Variants in LINGO2 observed in about 807,000 individuals in gnomAD.
LINGO2 encodes leucine rich repeat and Ig domain containing 2, also known as leucine-rich repeat and immunoglobulin-like domain-containing nogo receptor-interacting protein 2.
Under a neutral mutation model 30.6 loss-of-function variants are expected in LINGO2, and 14 were observed. The ratio of observed to expected loss-of-function variants is 0.46; its 90% CI spans 0.30 to 0.72. The LOEUF is 0.72. LINGO2 is among the 30% of genes least tolerant of loss of function. The pLI is 0.07. For missense variants in LINGO2, 729 were observed against 751.7 expected (o/e 0.97, Z 0.35); for synonymous variants, 317 against 288.5 (o/e 1.10, Z -1.00).
At chr9:28,812,705 C>T in the LINGO2 span, among the ~76,000 whole-genome samples, 8 of 152,188 alleles carry the variant, frequency 5.3e-5, no homozygotes, top group South Asian at 1.2e-3. Context: ...CTTCTTCTCA[C>T]GATGAGTTCA....
At chr9:27,997,522 A>G (rs1293918886) in intron 5 of LINGO2, among the ~76,000 whole-genome samples, 1 of 150,444 alleles carries the variant, frequency 6.6e-6, no homozygotes, top group Non-Finnish European at 1.5e-5. Flanking sequence ...TGCCTATAAC[A>G]TATTTTTTCT....
the LINGO2 span, among the ~76,000 whole-genome samples, chr9:28,704,195 T>TAATTTTACTGGTTATA: frequency 6.6e-6 from 1 of 151,676 alleles, no homozygotes; most frequent in African/African-American, 2.4e-5. Context: ...TTTTGAAGGG[T>TAATTTTACTGGTTATA]GAATTCTAGG....
intron 3 of LINGO2, among the ~76,000 whole-genome samples, chr9:28,296,082 G>T (rs933864858): frequency 6.6e-6 from 1 of 152,146 alleles, no homozygotes; most frequent in Admixed American, 6.5e-5. Context: ...CAGCTAATTT[G>T]GGGGCAATGT....
chr9:28,952,253 T>C, the LINGO2 span, among the ~76,000 whole-genome samples: 1 of 152,112 alleles, frequency 6.6e-6, no homozygotes, highest in Non-Finnish European at 1.5e-5. Flanking sequence ...GTTCAATATC[T>C]ATCTATCTAA....
intron 4 of LINGO2, among the ~76,000 whole-genome samples, chr9:28,042,643 G>T (rs1824245086): frequency 6.6e-6 from 1 of 152,010 alleles, no homozygotes; most frequent in Non-Finnish European, 1.5e-5. Flanking sequence ...TGTGTCTTAT[G>T]GAAAAATTCA....
At position 27,949,931 on chromosome 9, in the gene LINGO2, G is replaced by A. The variant is rs140966614; in HGVS notation, c.741C>T (p.Tyr247=). Residue 247 remains tyrosine (Y), a synonymous_variant, in exon 6 of 6, where the codon TAC becomes TAT. Coordinates refer to ENST00000379992, the Ensembl canonical transcript of LINGO2. The stretch of plus-strand genomic sequence containing the variant: ...CTGAAAGGGATGTGAGGTTGAGACC[G>A]TAGAGGCTATTGGCAGGCATCATAT... The A allele has an allele frequency of 2.1e-4, 335 of 1,614,088 alleles. 1 individual carries two copies. The highest frequency in any genetic ancestry group is 2.7e-4 in the Non-Finnish European group (317 of 1,179,976).
At chr9:28,810,399 A>G in the LINGO2 span, among the ~76,000 whole-genome samples, 8 of 152,314 alleles carry the variant, frequency 5.3e-5, no homozygotes, top group East Asian at 1.5e-3. Context: ...TCAATCATAA[A>G]ATAAAAACGA....
the LINGO2 span, among the ~76,000 whole-genome samples, chr9:29,092,377 C>T: frequency 1.3e-5 from 2 of 151,910 alleles, no homozygotes; most frequent in Non-Finnish European, 2.9e-5. Flanking sequence ...ATATTCTACA[C>T]ACCAAAAAGT....
chr9:27,947,144 T>C (rs1014068501), downstream of LINGO2, among the ~76,000 whole-genome samples: 8 of 152,202 alleles, frequency 5.3e-5, no homozygotes, highest in African/African-American at 1.9e-4. Context: ...ATCAGTTCTA[T>C]GCTGATTAAA....
At chr9:28,733,707 T>C in the LINGO2 span, among the ~76,000 whole-genome samples, 1 of 152,172 alleles carries the variant, frequency 6.6e-6, no homozygotes, top group Non-Finnish European at 1.5e-5. Flanking sequence ...CAAGTTAACC[T>C]CTGTGCCTTC....
intron 1 of LINGO2, among the ~76,000 whole-genome samples, chr9:28,562,825 C>T (rs1343626357): frequency 6.6e-6 from 1 of 151,834 alleles, no homozygotes; most frequent in African/African-American, 2.4e-5. Context: ...TTGAATAAAA[C>T]TTATTTATTT....
chr9:28,449,651 C>G (rs893736620), intron 2 of LINGO2, among the ~76,000 whole-genome samples: 3 of 151,966 alleles, frequency 2.0e-5, no homozygotes, highest in Non-Finnish European at 4.4e-5. Context: ...TATTACCATA[C>G]GACGAGTCTG....
chr9:28,324,487 T>C (rs974449108), intron 3 of LINGO2, among the ~76,000 whole-genome samples: 1 of 152,186 alleles, frequency 6.6e-6, no homozygotes, highest in Non-Finnish European at 1.5e-5. Flanking sequence ...TGGCACAATG[T>C]ACAGGTCATA....
the LINGO2 span, among the ~76,000 whole-genome samples, chr9:29,055,896 G>C: frequency 3.7e-5 from 4 of 106,932 alleles, no homozygotes; most frequent in Non-Finnish European, 8.4e-5. Context: ...CCATTATTTT[G>C]TTCCTTTTTA....
the LINGO2 span, among the ~76,000 whole-genome samples, chr9:28,961,718 T>C: frequency 6.6e-6 from 1 of 152,148 alleles, no homozygotes; most frequent in Non-Finnish European, 1.5e-5. Flanking sequence ...AAAAAATCAG[T>C]GACAGAACAA....
intron 4 of LINGO2, among the ~76,000 whole-genome samples, chr9:28,270,830 C>T (rs984212858): frequency 7.2e-5 from 11 of 152,072 alleles, no homozygotes; most frequent in Non-Finnish European, 1.6e-4. Flanking sequence ...TTAAGTGTTA[C>T]AAAACTCATG....
chr9:28,686,838 G>A, the LINGO2 span, among the ~76,000 whole-genome samples: 10 of 152,012 alleles, frequency 6.6e-5, no homozygotes, highest in African/African-American at 2.2e-4. Flanking sequence ...CTGGTGATAG[G>A]AGTATTTAAA....
chr9:28,032,609 T>A (rs1373863974), intron 4 of LINGO2, among the ~76,000 whole-genome samples: 2 of 152,160 alleles, frequency 1.3e-5, no homozygotes, highest in East Asian at 3.8e-4. Context: ...TTTAGTCCCT[T>A]TTACAGATGA....
chr9:28,700,403 T>A, the LINGO2 span, among the ~76,000 whole-genome samples: 2 of 152,124 alleles, frequency 1.3e-5, no homozygotes, highest in Non-Finnish European at 2.9e-5. Flanking sequence ...TAATGTATTA[T>A]TTCAAATTTG....
Sources: allele counts gnomAD v4.1 joint callset (sites outside exome capture counted in the v4.1 genomes callset), GRCh38; gene constraint gnomAD v4.1.1; transcripts MANE v1.5; gene names NCBI Gene and HGNC (gene_info 2026-07-23, HGNC 2026-07-21).